The following KLHL20 variants were observed in gnomAD, a reference collection of about 807,000 sequenced individuals.
The protein encoded by KLHL20 is kelch like family member 20, also known as kelch-like protein 20.
KLHL20 carries 29 observed loss-of-function variants against 69.5 expected under a neutral mutation model. That is an observed-to-expected ratio of 0.42 (90% confidence interval 0.31 to 0.57). The LOEUF is 0.57. Among genes scored for constraint, KLHL20 ranks in the 20% least tolerant of loss-of-function variants. The pLI is 0.18. For synonymous variants in KLHL20, 253 were observed against 265.2 expected (o/e 0.95, Z 0.45); for missense variants, 419 against 776.0 (o/e 0.54, Z 5.47).
intron 2 of KLHL20, among the ~76,000 whole-genome samples, chr1:173,731,506 G>A (rs909638667): frequency 6.6e-6 from 1 of 152,114 alleles, no homozygotes; most frequent in Non-Finnish European, 1.5e-5. Flanking sequence ...AGGAAATGTG[G>A]CACATATACA....
At chr1:173,746,875 G>A (rs58356308) in intron 3 of KLHL20, among the ~76,000 whole-genome samples, 3,863 of 151,194 alleles carry the variant, frequency 0.026, 178 homozygotes, top group African/African-American at 0.09. Flanking sequence ...TATTCTTCTC[G>A]GATCACTAGT....
At chr1:173,773,582 A>G (rs1648249054) in intron 8 of KLHL20, among the ~76,000 whole-genome samples, 1 of 152,088 alleles carries the variant, frequency 6.6e-6, no homozygotes, top group Admixed American at 6.5e-5. Context: ...TTCTAATAGG[A>G]TGTAGTAGAG....
intron 2 of KLHL20, among the ~76,000 whole-genome samples, chr1:173,729,616 C>G (rs1672157485): frequency 6.6e-6 from 1 of 152,142 alleles, no homozygotes; most frequent in Non-Finnish European, 1.5e-5. Flanking sequence ...GAACCAACGA[C>G]AAAAACCACA....
chr1:173,744,906 CTT>C (rs966579696), intron 3 of KLHL20, among the ~76,000 whole-genome samples: 18 of 152,034 alleles, frequency 1.2e-4, no homozygotes, highest in African/African-American at 3.9e-4. Context: ...TCATGTAACT[CTT>C]TTGTTTTTCA....
chr1:173,743,706 G>A (rs919105450), intron 3 of KLHL20, among the ~76,000 whole-genome samples: 9 of 151,982 alleles, frequency 5.9e-5, no homozygotes, highest in Middle Eastern at 3.2e-3. Context: ...TGGTTTATCC[G>A]TCTTGTGTTT....
At chr1:173,744,664 T>C (rs1672974967) in intron 3 of KLHL20, among the ~76,000 whole-genome samples, 1 of 152,162 alleles carries the variant, frequency 6.6e-6, no homozygotes, top group African/African-American at 2.4e-5. Context: ...TTTTATCTTT[T>C]TCCAAATGGC....
At chr1:173,763,139 A>G (rs1219308382) in intron 7 of KLHL20, among the ~76,000 whole-genome samples, 1 of 152,176 alleles carries the variant, frequency 6.6e-6, no homozygotes, top group Non-Finnish European at 1.5e-5. Context: ...AGCTGCAAAA[A>G]AAAATAAAAT....
At chr1:173,732,902 A>ACCT (rs1672352179) in intron 2 of KLHL20, among the ~76,000 whole-genome samples, 2 of 152,018 alleles carry the variant, frequency 1.3e-5, no homozygotes, top group Admixed American at 1.3e-4. Context: ...CAAAATCTTG[A>ACCT]CCTGGAGGCT....
rs1175263723 is a variant in KLHL20 at position 173,784,357 on chromosome 1, CT to C, written c.1746-803del. 1.4e-4 allele frequency among the ~76,000 whole-genome samples: 22 copies of C among 152,270 alleles called. No homozygotes were observed. In the South Asian group the frequency reaches 2.9e-3, roughly 20 times the overall value. On this transcript the variant is annotated intron_variant, in intron 11 of 11. Transcript: ENST00000209884. ...GCAGGATATTTTCTTCCATATACAG[CT>C]TTCTATTTTTACTAGGAATTTTGAT...
rs1233825372 is a variant in KLHL20, at chr1:173,725,590, C to T, written c.24-8123C>T. On this transcript the variant is annotated intron_variant, in intron 2 of 11. Coordinates refer to ENST00000209884, the MANE Select transcript of KLHL20 (RefSeq NM_014458.4). ...TACCCCACCACCTTTTTGTCCAGAA[C>T]CCATTTTAGAGGAAAATAATTATTG... Among the ~76,000 whole-genome samples, 3 of 152,184 alleles carry T rather than the reference C, an allele frequency of 2.0e-5. No individual in the cohort carries two copies. In the South Asian group the frequency reaches 6.2e-4, roughly 32 times the overall value.
At chr1:173,767,122 G>C (rs1647783207) in intron 8 of KLHL20, among the ~76,000 whole-genome samples, 1 of 152,080 alleles carries the variant, frequency 6.6e-6, no homozygotes, top group African/African-American at 2.4e-5. Context: ...AACTTTTTTA[G>C]ATTCCTCATA....
At chr1:173,760,773 A>G (rs767572040) in intron 7 of KLHL20, among the ~76,000 whole-genome samples, 18 of 152,244 alleles carry the variant, frequency 1.2e-4, no homozygotes, top group Non-Finnish European at 7.3e-5. Flanking sequence ...TCTTTAAAGC[A>G]TAAATCACAC....
intron 9 of KLHL20, 21 bp downstream of exon 9, chr1:173,774,459 A>G (rs1261600656): frequency 1.2e-6 from 2 of 1,613,434 alleles, no homozygotes; most frequent in East Asian, 2.2e-5. Context: ...CCCAAAGGCA[A>G]TCAGGTTCCC....
At position 173,775,682 on chromosome 1, in the gene KLHL20, T is replaced by C. The variant is rs768272002; in HGVS notation, c.1478T>C (p.Met493Thr). The change falls in exon 10 of 12, where the codon ATG becomes ACG. Residue 493 changes from methionine (M) to threonine (T), a missense_variant. This residue lies in a region of KLHL20 where 56 missense variants were observed against 75.9 expected (regional missense o/e 0.74). Transcript: ENST00000209884. Reference protein sequence around the residue: ...QENRWHTIAPMGTRRKHLGCA... With the variant: ...QENRWHTIAPTGTRRKHLGCA... ...AACAGATGGCACACTATAGCCCCTA[T>C]GGGGACCCGGAGGAAACACCTAGGC... is the stretch of plus-strand genomic sequence containing the variant. The C allele has an allele frequency of 6.2e-7, 1 of 1,614,200 alleles. No individual in the cohort carries two copies. Among genetic ancestry groups the C allele is most frequent in the Admixed American group, 1.7e-5 (1 of 60,022 alleles).
At chr1:173,756,083 G>T (rs763404781) in intron 6 of KLHL20, 45 bp downstream of exon 6, 1 of 1,317,748 alleles carries the variant, frequency 7.6e-7, no homozygotes. Context: ...ATTTTCCCAG[G>T]TGAGAAACTG....
intron 2 of KLHL20, among the ~76,000 whole-genome samples, chr1:173,732,721 A>G (rs1039736828): frequency 6.6e-6 from 1 of 152,228 alleles, no homozygotes; most frequent in African/African-American, 2.4e-5. Context: ...CTACTTATTT[A>G]TAAATTGAAG....
intron 3 of KLHL20, among the ~76,000 whole-genome samples, chr1:173,749,756 C>T (rs1673218030): frequency 6.6e-6 from 1 of 152,042 alleles, no homozygotes; most frequent in African/African-American, 2.4e-5. Flanking sequence ...TTGGTTTATA[C>T]TCTGATGAAA....
chr1:173,751,284 G>A (rs775963704), intron 3 of KLHL20, among the ~76,000 whole-genome samples: 10 of 152,058 alleles, frequency 6.6e-5, no homozygotes, highest in Non-Finnish European at 1.2e-4. Context: ...GAGTTTGATC[G>A]TCAGAGTTTT....
intron 8 of KLHL20, among the ~76,000 whole-genome samples, chr1:173,770,522 AC>A (rs1435076348): frequency 6.6e-6 from 1 of 151,990 alleles, no homozygotes; most frequent in Admixed American, 6.6e-5. Context: ...ACATGGTGAA[AC>A]CCCATCTCTA....
Sources: allele counts gnomAD v4.1 joint callset (sites outside exome capture counted in the v4.1 genomes callset), GRCh38; gene constraint gnomAD v4.1.1; regional missense constraint gnomAD v4.1.1; transcripts MANE v1.5; gene names NCBI Gene and HGNC (gene_info 2026-07-23, HGNC 2026-07-21).